The following LRRC19 variants were observed in gnomAD, a reference collection of about 807,000 sequenced individuals.
LRRC19 encodes the protein leucine rich repeat containing 19.
A neutral mutation model predicts 33.3 loss-of-function variants in LRRC19; 33 were observed. That is an observed-to-expected ratio of 0.99 (90% confidence interval 0.75 to 1.33). The LOEUF (loss-of-function observed/expected upper bound fraction) is 1.33, where lower values mean the gene tolerates loss of function less well. Ranked by LOEUF, LRRC19 falls within the 40% of genes most tolerant of loss-of-function variation. The pLI, the probability that LRRC19 is intolerant of heterozygous loss-of-function variation, is 0.00. For missense variants in LRRC19, 463 were observed against 417.3 expected (o/e 1.11, Z -0.95); for synonymous variants, 184 against 152.3 (o/e 1.21, Z -1.53).
chr9:27,000,794 C>A (rs1311234440), intron 1 of LRRC19, among the ~76,000 whole-genome samples: 1 of 152,116 alleles, frequency 6.6e-6, no homozygotes, highest in African/African-American at 2.4e-5. Flanking sequence ...ACCTATGTAA[C>A]AAACCTGCAT....
At chr9:27,002,714 A>G (rs1484685302) in intron 1 of LRRC19, among the ~76,000 whole-genome samples, 1 of 152,180 alleles carries the variant, frequency 6.6e-6, no homozygotes, top group Non-Finnish European at 1.5e-5. Context: ...TTTTGAAGTC[A>G]GGTAGTGTGA....
At chr9:27,000,355 ATGTT>A (rs1394133782) in intron 1 of LRRC19, among the ~76,000 whole-genome samples, 2 of 152,230 alleles carry the variant, frequency 1.3e-5, no homozygotes, top group African/African-American at 4.8e-5. Context: ...ATATTTATGC[ATGTT>A]TAAGTATATG....
At chr9:26,996,008 C>G (rs1828136264) in intron 4 of LRRC19, among the ~76,000 whole-genome samples, 159 bp from the exon 5 acceptor site, 1 of 152,078 alleles carries the variant, frequency 6.6e-6, no homozygotes, top group Non-Finnish European at 1.5e-5. Flanking sequence ...TCTCTTTGTT[C>G]AAAATAGCTG....
chr9:27,001,457 T>A (rs1828484882), intron 1 of LRRC19, among the ~76,000 whole-genome samples: 1 of 152,194 alleles, frequency 6.6e-6, no homozygotes, highest in African/African-American at 2.4e-5. Context: ...CTCCACATCG[T>A]CACCAGCATC....
intron 1 of LRRC19, among the ~76,000 whole-genome samples, chr9:27,002,568 C>A (rs74473790): frequency 0.04 from 6,083 of 152,210 alleles, 204 homozygotes; most frequent in South Asian, 0.13. Flanking sequence ...ATTTTATGTT[C>A]TTGGCACCTT....
intron 4 of LRRC19, 62 bp downstream of exon 4, chr9:26,996,249 C>T (rs1440464520): frequency 1.1e-6 from 1 of 930,920 alleles, no homozygotes; most frequent in African/African-American, 1.7e-5. Context: ...ATAAAGATAA[C>T]TACCTCAGTT....
At chr9:27,003,544 A>T (rs909283713) in intron 1 of LRRC19, among the ~76,000 whole-genome samples, 1 of 152,076 alleles carries the variant, frequency 6.6e-6, no homozygotes, top group African/African-American at 2.4e-5. Context: ...AGAAAAACTA[A>T]TCAGAGTAGG....
In LRRC19 at chr9:26,995,609, A is replaced by C. The variant is rs1828107221; in HGVS notation, c.1025T>G (p.Phe342Cys). 3.7e-6 allele frequency: 6 copies of C among 1,610,722 alleles called. No individual in the cohort carries two copies. Among genetic ancestry groups the C allele is most frequent in the Non-Finnish European group, 4.2e-6 (5 of 1,177,016 alleles). ...ETNSEETTVI[F>C]EQLHSFVVDD... The stretch of plus-strand genomic sequence containing the variant: ...TACCACAAATGAATGTAATTGTTCA[A>C]ATATTACTGTAGTTTCTTCAGAGTT... Residue 342 changes from phenylalanine (F) to cysteine (C), a missense_variant, in exon 5 of 5, where the codon TTT (phenylalanine) becomes TGT (cysteine). Physicochemically the swap from Phe to Cys is radical, Grantham distance 205. Transcript: ENST00000380055.
chr9:26,999,510 A>C, intron 2 of LRRC19, 104 bp downstream of exon 2: 1 of 773,436 alleles, frequency 1.3e-6, no homozygotes, highest in Non-Finnish European at 2.0e-6. Context: ...TAATTTTAGT[A>C]GGTCAGATTT....
At chr9:27,002,637 C>A (rs1388245861) in intron 1 of LRRC19, among the ~76,000 whole-genome samples, 1 of 152,090 alleles carries the variant, frequency 6.6e-6, no homozygotes, top group African/African-American at 2.4e-5. Context: ...TATTCCATTC[C>A]ATTGGTCTAT....
intron 4 of LRRC19, 96 bp downstream of exon 4, chr9:26,996,215 T>C: frequency 1.3e-6 from 1 of 799,488 alleles, no homozygotes; most frequent in Non-Finnish European, 1.8e-6. Context: ...AATCTTTCTT[T>C]TACATTTTTT....
At position 26,996,438 on chromosome 9, in the gene LRRC19, T is replaced by C. The variant is rs1563959542; in HGVS notation, c.657A>G (p.Thr219=). The C allele has an allele frequency of 1.3e-6, 2 of 1,589,356 alleles. No homozygotes were observed. Among genetic ancestry groups the C allele is most frequent in the Non-Finnish European group, 1.7e-6 (2 of 1,164,908 alleles). ...AGTGGCATTCAGCCTTATGAGGTAC[T>C]GTTTTGATATTGTAGCTCTGCAGGC... ...PNSLQSYNIK[T]VPHKAECHSK... Residue 219 remains threonine, a synonymous_variant, in exon 4 of 5, where the codon ACA becomes ACG. Transcript: ENST00000380055.
In LRRC19 at chr9:26,997,900, A is replaced by G. The variant is rs1322611140; in HGVS notation, c.423T>C (p.Phe141=). The G allele has an allele frequency of 6.2e-7, 1 of 1,614,204 alleles. No individual in the cohort carries two copies. The highest frequency in any genetic ancestry group is 1.3e-5 in the African/African-American group (1 of 75,080). The part of the protein sequence containing the change: ...NKIEQLNADV[F]VPLRSLKLLN... ...GAAGTTTTAGGCTTCTTAGAGGCAC[A>G]AATACATCAGCATTCAGTTGTTCTA... Residue 141 remains phenylalanine, a synonymous_variant, in exon 3 of 5, where the codon TTT becomes TTC. Transcript: ENST00000380055.
chr9:26,995,461 C>T lies in LRRC19; in HGVS notation c.*60G>A. 1 of 968,670 alleles carries T rather than the reference C, an allele frequency of 1.0e-6. No individual in the cohort carries two copies. Among genetic ancestry groups the T allele is most frequent in the Non-Finnish European group, 1.5e-6 (1 of 661,250 alleles). The allele number at this position is 968,670 out of a possible 1,614,324, so 60.0% of individuals were successfully genotyped here. A position where few individuals can be genotyped will look rare whatever the true frequency, so the allele number is the denominator to read the frequency against. On this transcript the variant is annotated 3_prime_UTR_variant, in exon 5 of 5. Transcript: ENST00000380055. ...ATTTTGTTATGTCACATAGCAAAAT[C>T]TCCATATCTAAACTGAGTGAGCTGA... is the stretch of plus-strand genomic sequence containing the variant.
intron 3 of LRRC19, 119 bp downstream of exon 3, chr9:26,997,609 C>A: frequency 2.8e-6 from 3 of 1,068,326 alleles, no homozygotes. Context: ...GATGGGATTA[C>A]AGGCATGAGC....
chr9:26,993,526 C>G lies in LRRC19; in HGVS notation c.*1995G>C, dbSNP rs963110009. The G allele has an allele frequency of 1.3e-5, 2 of 152,438 alleles. No homozygotes were observed. Among genetic ancestry groups the G allele is most frequent in the Admixed American group, 6.6e-5 (1 of 15,258 alleles). 9.4% of individuals were successfully genotyped at this position (152,438 alleles called of 1,614,324 possible). ...TATATCATCCTAGTTTTTATTTTCT[C>G]TCAGTAGACATTTGTATTGAATTTA... is the stretch of plus-strand genomic sequence containing the variant. On this transcript the variant is annotated 3_prime_UTR_variant, in exon 5 of 5. Coordinates refer to ENST00000380055, the MANE Select transcript of LRRC19 (RefSeq NM_022901.3).
rs1397770008 is a variant in LRRC19 at position 26,995,845 on chromosome 9, A to G, written c.789T>C (p.His263=). The change falls in exon 5 of 5, where the codon CAT becomes CAC. Residue 263 remains histidine, a synonymous_variant. Transcript: ENST00000380055. The part of the protein sequence containing the change: ...SSNNLTRNSE[H]EPLGKSWAFL... The stretch of plus-strand genomic sequence containing the variant: ...AAGCCCAACTTTTTCCAAGAGGTTC[A>G]TGTTCTTTAATGGAATACCAAGAGA... The G allele has an allele frequency of 6.3e-7, 1 of 1,598,314 alleles. No homozygotes were observed. The highest frequency in any genetic ancestry group is 1.3e-5 in the African/African-American group (1 of 74,288).
chr9:27,003,026 G>A (rs1167929507), intron 1 of LRRC19, among the ~76,000 whole-genome samples: 1 of 151,892 alleles, frequency 6.6e-6, no homozygotes, highest in East Asian at 1.9e-4. Context: ...TTGATTCCAA[G>A]GTATTTTATA....
At chr9:27,001,909 C>A (rs1344021743) in intron 1 of LRRC19, among the ~76,000 whole-genome samples, 1 of 150,504 alleles carries the variant, frequency 6.6e-6, no homozygotes, top group Admixed American at 6.6e-5. Flanking sequence ...GGCCAGTGTT[C>A]TAGAGCAATT....
Sources: gnomAD v4.1 joint callset for allele counts (sites outside exome capture counted in the v4.1 genomes callset) on GRCh38, gnomAD v4.1.1 for gene constraint, MANE v1.5 for transcripts, NCBI Gene and HGNC (gene_info 2026-07-23, HGNC 2026-07-21) for gene names.